The following ADGRD1 variants were observed in gnomAD, a reference collection of about 807,000 sequenced individuals.
ADGRD1 encodes the protein G-protein coupled receptor 133.
ADGRD1 carries 77 observed loss-of-function variants against 113.4 expected under a neutral mutation model. The observed-to-expected ratio is 0.68, with a 90% confidence interval of 0.57 to 0.82. The LOEUF is 0.82. Among genes scored for constraint, ADGRD1 ranks in the 40% least tolerant of loss-of-function variants. ADGRD1 has a pLI of 0.00. For synonymous variants in ADGRD1, 474 were observed against 475.0 expected, an observed-to-expected ratio of 1.00 and a Z score of 0.03; for missense variants, 1,036 against 1,139.1, an observed-to-expected ratio of 0.91 and a Z score of 1.30.
intron 6 of ADGRD1, 133 bp from the exon 7 acceptor site, chr12:130,990,881 C>T (rs1017420109): frequency 1.6e-6 from 1 of 626,668 alleles, no homozygotes; most frequent in African/African-American, 1.8e-5. Flanking sequence ...TCTCCAGCAA[C>T]ATTCCTACTC....
intron 13 of ADGRD1, among the ~76,000 whole-genome samples, chr12:131,021,204 T>C (rs1340210697): frequency 6.6e-6 from 1 of 152,192 alleles, no homozygotes. Context: ...AACCAGTAAA[T>C]TGACACTGAT....
rs143112313 is a variant in ADGRD1, at chr12:131,030,061, G to A, written c.1473+15721G>A. Among the ~76,000 whole-genome samples, 133 of 125,468 alleles carry A rather than the reference G, an allele frequency of 1.1e-3. 7 individuals are homozygous for A. The highest frequency in any genetic ancestry group is 3.4e-3 in the African/African-American group (96 of 28,366). The allele number at this position is 125,468 out of a possible 152,430, so 82.3% of individuals were successfully genotyped here. A position where few individuals can be genotyped will look rare whatever the true frequency, so the allele number is the denominator to read the frequency against. ...TATGGTGACATTTCCAGGCTCTGGG[G>A]TTAGGTTGTGGACCCGTCGTAGGTG... On this transcript the variant is annotated intron_variant, in intron 13 of 24. Coordinates refer to ENST00000261654, the MANE Select transcript of ADGRD1 (RefSeq NM_198827.5).
chr12:130,993,047 G>A (rs1267124303), intron 8 of ADGRD1, among the ~76,000 whole-genome samples: 2 of 152,052 alleles, frequency 1.3e-5, no homozygotes, highest in East Asian at 1.9e-4. Flanking sequence ...GAAGTCCCAC[G>A]GCTGCACTGA....
intron 13 of ADGRD1, among the ~76,000 whole-genome samples, chr12:131,074,452 C>T (rs111801357): frequency 0.055 from 8,362 of 152,258 alleles, 799 homozygotes; most frequent in African/African-American, 0.19. Flanking sequence ...GAGGGAGCGC[C>T]TCATTCCCAT....
chr12:131,055,764 C>A (rs1047800159), intron 13 of ADGRD1, among the ~76,000 whole-genome samples: 8 of 152,222 alleles, frequency 5.3e-5, no homozygotes, highest in African/African-American at 1.9e-4. Context: ...CTGGGGACAG[C>A]CACAGAGCTT....
At chr12:131,104,492 G>T (rs1277739396) in intron 15 of ADGRD1, among the ~76,000 whole-genome samples, 1 of 152,180 alleles carries the variant, frequency 6.6e-6, no homozygotes, top group Non-Finnish European at 1.5e-5. Context: ...TGGCTCTGGG[G>T]CTGACTGTTA....
rs12303427 is a variant in ADGRD1 at position 131,117,226 on chromosome 12, A to G, written c.2042-1159A>G. ...TACCTCATTCGTGGGCCTCCCTTCT[A>G]TCACCACCCCCAAAGTCTCACTTGG... On this transcript the variant is annotated intron_variant, in intron 18 of 24. Transcript: ENST00000261654. Among the ~76,000 whole-genome samples, 1,079 of 151,564 alleles carry G rather than the reference A, an allele frequency of 7.1e-3. 11 individuals carry two copies. The highest frequency in any genetic ancestry group is 0.025 in the African/African-American group (1,036 of 41,462).
intron 12 of ADGRD1, among the ~76,000 whole-genome samples, chr12:131,013,748 A>G (rs970403846): frequency 3.3e-5 from 5 of 152,190 alleles, no homozygotes; most frequent in Non-Finnish European, 7.4e-5. Context: ...ACCATCCTAT[A>G]ATCAGGGAAA....
At chr12:130,974,575 A>C (rs1872083525) in intron 4 of ADGRD1, among the ~76,000 whole-genome samples, 1 of 152,200 alleles carries the variant, frequency 6.6e-6, no homozygotes, top group African/African-American at 2.4e-5. Flanking sequence ...GCACAAACTT[A>C]TAACCTGTTA....
intron 15 of ADGRD1, among the ~76,000 whole-genome samples, chr12:131,090,877 C>T (rs1415499100): frequency 1.3e-5 from 2 of 152,232 alleles, no homozygotes; most frequent in Non-Finnish European, 2.9e-5. Flanking sequence ...GCATTGCACT[C>T]TGGGAACCGT....
chr12:130,990,498 T>G (rs1874247588), intron 6 of ADGRD1: 2 of 152,948 alleles, frequency 1.3e-5, no homozygotes, highest in Admixed American at 1.3e-4. Flanking sequence ...CCATGGGGGC[T>G]GAGTGCAAAG....
intron 20 of ADGRD1, among the ~76,000 whole-genome samples, chr12:131,121,713 C>T (rs528237876): frequency 5.9e-5 from 9 of 152,296 alleles, no homozygotes; most frequent in African/African-American, 2.2e-4. Context: ...TGGGGATTTA[C>T]AGGTTCCTGA....
rs749049445 is a variant in ADGRD1, at chr12:131,084,917, C to T, written c.1671+254C>T. 6.6e-5 allele frequency among the ~76,000 whole-genome samples: 10 copies of T among 152,330 alleles called. 1 individual carries two copies. The highest frequency in any genetic ancestry group is 4.1e-4 in the South Asian group (2 of 4,826). ...CAGTGTGGTGTGCTTCGCACAGCAA[C>T]GCCCAGACTGCACCTGGGGGGATCC... On this transcript the variant is annotated intron_variant, in intron 15 of 24. Coordinates refer to ENST00000261654, the MANE Select transcript of ADGRD1 (RefSeq NM_198827.5). This position sits in a 1 kb window ranked among gnomAD's most constrained non-coding sequence, Gnocchi z 4.5.
At chr12:131,055,270 G>C (rs1288839734) in intron 13 of ADGRD1, among the ~76,000 whole-genome samples, 1 of 152,098 alleles carries the variant, frequency 6.6e-6, no homozygotes. Flanking sequence ...TGAGTGACAG[G>C]GTGCCCACGG....
chr12:131,137,744 C>A (rs975188706), intron 23 of ADGRD1: 1 of 280,348 alleles, frequency 3.6e-6, no homozygotes. Flanking sequence ...TTGATCGCAA[C>A]GCCCAGTGAC....
At chr12:131,097,483 G>GA (rs1242488806) in intron 15 of ADGRD1, among the ~76,000 whole-genome samples, 7 of 152,358 alleles carry the variant, frequency 4.6e-5, no homozygotes, top group Non-Finnish European at 8.8e-5. Context: ...TCCATCAGTG[G>GA]ACGTGAAATG....
At position 131,004,197 on chromosome 12, in the gene ADGRD1, G is replaced by T. The variant is rs1876786067; in HGVS notation, c.1156G>T (p.Ala386Ser). Reference protein sequence around the residue: ...GSSAMAEFSVAKILPKTVNSS... With the variant: ...GSSAMAEFSVSKILPKTVNSS... ...TCCTTCCACCGCAGAGTTTTCCGTG[G>T]CCAAAATCCTGCCCAAGACCGTGAA... The change falls in exon 11 of 25, where the codon GCC (alanine) becomes TCC (serine). Residue 386 changes from alanine to serine, a missense_variant. Coordinates refer to ENST00000261654, the MANE Select transcript of ADGRD1 (RefSeq NM_198827.5). 2 of 1,613,246 alleles carry T rather than the reference G, an allele frequency of 1.2e-6. No homozygotes were observed. The highest frequency in any genetic ancestry group is 4.5e-5 in the East Asian group (2 of 44,872).
At chr12:131,076,972 C>A in intron 14 of ADGRD1, 98 bp downstream of exon 14, 1 of 975,212 alleles carries the variant, frequency 1.0e-6, no homozygotes, top group Non-Finnish European at 1.7e-6. Flanking sequence ...CCCATTTCTG[C>A]AGCTGACATG....
rs111232912 is a variant in ADGRD1, at chr12:131,137,465, G to T, written c.2436+451G>T. 1.4e-3 allele frequency among the ~76,000 whole-genome samples: 208 copies of T among 152,350 alleles called. 1 individual carries two copies. Among genetic ancestry groups the T allele is most frequent in the African/African-American group, 4.8e-3 (200 of 41,592 alleles). On this transcript the variant is annotated intron_variant, in intron 23 of 24. Transcript: ENST00000261654. ...CTGGCACCTGCCATGTACTTGGCTG[G>T]GGGGAGGTAGGGGCTGCCCCAAGGA...
Sources: allele counts gnomAD v4.1 joint callset (sites outside exome capture counted in the v4.1 genomes callset), GRCh38; gene constraint gnomAD v4.1.1; non-coding constraint Gnocchi (gnomAD v3.1); transcripts MANE v1.5; gene names NCBI Gene and HGNC (gene_info 2026-07-23, HGNC 2026-07-21).